TRMU: variants seen among roughly 807,000 people sequenced by gnomAD.
TRMU encodes the protein mitochondrial tRNA-specific 2-thiouridylase 1.
Under a neutral mutation model 46.9 loss-of-function variants are expected in TRMU, and 49 were observed. That is an observed-to-expected ratio of 1.05 (90% CI 0.83 to 1.33). The LOEUF is 1.33. Ranked by LOEUF, TRMU falls within the 40% of genes most tolerant of loss-of-function variation. The probability of loss-of-function intolerance (pLI) is 0.00; values close to 1 mark genes in which losing one functional copy is unlikely to be tolerated. For synonymous variants in TRMU, 241 were observed against 200.9 expected, an observed-to-expected ratio of 1.20 and a Z score of -1.69; for missense variants, 572 against 532.4, an observed-to-expected ratio of 1.07 and a Z score of -0.73.
In TRMU at chr22:46,336,141, G is replaced by A; in HGVS notation, c.82+295G>A. ...CGGCGGGCCGGGGTGGGGTGGGGAG[G>A]GAAGGGTTTCTCACGGATCTGCGGC... On this transcript the variant is annotated intron_variant, in intron 1 of 10. Transcript: ENST00000645190. The surrounding 1 kb of genome is among the most constrained non-coding windows in gnomAD (Gnocchi z 4.1). The A allele has an allele frequency of 7.6e-7, 1 of 1,320,158 alleles. No individual in the cohort carries two copies. Among genetic ancestry groups the A allele is most frequent in the Non-Finnish European group, 9.7e-7 (1 of 1,033,022 alleles). 81.8% of individuals were successfully genotyped at this position (1,320,158 alleles called of 1,614,324 possible).
Position 46,356,935 on chromosome 22 carries a change from A to G in TRMU, c.1195A>G (p.Arg399Gly), listed in dbSNP as rs759134446. 1 of 1,613,438 alleles carries G rather than the reference A, an allele frequency of 6.2e-7. No individual in the cohort carries two copies. Among genetic ancestry groups the G allele is most frequent in the Non-Finnish European group, 8.5e-7 (1 of 1,180,002 alleles). Reference sequence around the variant, plus strand: ...CTACACGCTCCAGAAGGGCCAGCGCAGAGCTGGGATGGCCACTGAGAGCCC... The same window carrying G: ...CTACACGCTCCAGAAGGGCCAGCGCGGAGCTGGGATGGCCACTGAGAGCCC... ...SAYTLQKGQR[R>G]AGMATESPSD... Residue 399 changes from arginine (R) to glycine (G), a missense_variant, in exon 11 of 11, where the codon AGA becomes GGA. Transcript: ENST00000645190.
rs202229063 is a variant in TRMU, at chr22:46,355,571, G to A, written c.1001G>A (p.Arg334His). 17 of 1,613,340 alleles carry A rather than the reference G, an allele frequency of 1.1e-5. No homozygotes were observed. Among genetic ancestry groups the A allele is most frequent in the East Asian group, 4.5e-5 (2 of 44,878 alleles). Residue 334 changes from arginine to histidine, a missense_variant, in exon 9 of 11, where the codon CGC (arginine) becomes CAC (histidine). Transcript: ENST00000645190. ...ATGATGGAGTGCCACTTCCGATTCC[G>A]CCACCAGATGGCACTAGGTGACTGA... ...DKMMECHFRF[R>H]HQMALVPCVL...
chr22:46,355,550 T>C lies in TRMU; in HGVS notation c.980T>C (p.Met327Thr). The C allele has an allele frequency of 1.2e-6, 2 of 1,613,318 alleles. No homozygotes were observed. Among genetic ancestry groups the C allele is most frequent in the Non-Finnish European group, 1.7e-6 (2 of 1,180,032 alleles). The stretch of plus-strand genomic sequence containing the variant: ...GCAGCACTGGTCCGGGACAAGATGA[T>C]GGAGTGCCACTTCCGATTCCGCCAC... ...PPAALVRDKM[M>T]ECHFRFRHQM... The change falls in exon 9 of 11, where the codon ATG becomes ACG. Residue 327 changes from methionine to threonine, a missense_variant. Met to Thr is a moderately conservative substitution (Grantham distance 81). Transcript: ENST00000645190.
Position 46,350,468 on chromosome 22 carries a change from G to C in TRMU, c.651+5G>C. ...CATGTGCTTCAGAAGAAAGAGGTAC[G>C]AGTGAGCAGTTGCCTTTGATTAGTG... On this transcript the variant is annotated splice_donor_5th_base_variant and intron_variant, in intron 5 of 10. Transcript: ENST00000645190. The surrounding 1 kb of genome is among the most constrained non-coding windows in gnomAD (Gnocchi z 4.6). The C allele has an allele frequency of 6.2e-7, 1 of 1,613,214 alleles. No homozygotes were observed. Among genetic ancestry groups the C allele is most frequent in the Non-Finnish European group, 8.5e-7 (1 of 1,179,964 alleles).
In TRMU at chr22:46,335,923, T is replaced by G; in HGVS notation, c.82+77T>G. On this transcript the variant is annotated intron_variant, in intron 1 of 10. Coordinates refer to ENST00000645190, the MANE Select transcript of TRMU (RefSeq NM_018006.5). ...CCTGTCCCCGTCCGTCGTGGCGTTG[T>G]GCACGTCTCCTCCCTCCCTGGGCCG... 2.0e-6 allele frequency: 3 copies of G among 1,516,526 alleles called. No homozygotes were observed. The South Asian group carries it at 3.6e-5, about 18-fold the overall frequency. The allele number at this position is 1,516,526 out of a possible 1,614,324, so 93.9% of individuals were successfully genotyped here.
intron 7 of TRMU, chr22:46,352,605 C>A: frequency 1.8e-6 from 1 of 546,124 alleles, no homozygotes; most frequent in Non-Finnish European, 3.3e-6. Context: ...AGTTACGTAT[C>A]AAGTCCCTGT....
At chr22:46,345,663 C>T (rs1190572296) in intron 3 of TRMU, among the ~76,000 whole-genome samples, 2 of 152,114 alleles carry the variant, frequency 1.3e-5, no homozygotes, top group East Asian at 1.9e-4. Flanking sequence ...CAGTGCCGGG[C>T]ATTTTCCCGT....
chr22:46,337,547 A>G (rs1406866098), intron 1 of TRMU, among the ~76,000 whole-genome samples: 2 of 152,200 alleles, frequency 1.3e-5, no homozygotes, highest in South Asian at 2.1e-4. Context: ...GTGCTGATAC[A>G]TAGATGGGGA....
chr22:46,345,516 C>T (rs1361449820), intron 3 of TRMU, among the ~76,000 whole-genome samples: 1 of 152,158 alleles, frequency 6.6e-6, no homozygotes, highest in Non-Finnish European at 1.5e-5. Flanking sequence ...ATATTTATTA[C>T]AGAAAATTTA....
chr22:46,354,054 T>G, intron 8 of TRMU, 187 bp downstream of exon 8: 1 of 592,826 alleles, frequency 1.7e-6, no homozygotes, highest in Non-Finnish European at 3.1e-6. Context: ...TTTTAAGGTA[T>G]TCATTAGGCT....
Position 46,335,815 on chromosome 22 carries a change from C to T in TRMU, c.51C>T (p.Ser17=). ...VVCALSGGVD[S]AVAALLLRRR... ...GCGCCCTGTCCGGCGGCGTGGACAGCGCCGTGGCCGCGCTGCTGCTGAGGC... is the reference window on the plus strand; with the variant it reads ...GCGCCCTGTCCGGCGGCGTGGACAGTGCCGTGGCCGCGCTGCTGCTGAGGC... Residue 17 remains serine, a synonymous_variant, in exon 1 of 11, where the codon AGC becomes AGT. Coordinates refer to ENST00000645190, the MANE Select transcript of TRMU (RefSeq NM_018006.5). 6.4e-7 allele frequency: 1 copy of T among 1,557,322 alleles called. No homozygotes were observed.
At position 46,349,088 on chromosome 22, in the gene TRMU, G is replaced by A. The variant is rs573030037; in HGVS notation, c.479-1203G>A. On this transcript the variant is annotated intron_variant, in intron 4 of 10. Coordinates refer to ENST00000645190, the MANE Select transcript of TRMU (RefSeq NM_018006.5). This position sits in a 1 kb window ranked among gnomAD's most constrained non-coding sequence, Gnocchi z 4.6. ...CAGGAGGCGGAGATTGCCGTGAGCC[G>A]AGATGTGCCACTGCACTCCAGCCTG... Among the ~76,000 whole-genome samples, 6 of 151,584 alleles carry A rather than the reference G, an allele frequency of 4.0e-5. No individual in the cohort carries two copies. The South Asian group carries it at 8.3e-4, about 21-fold the overall frequency.
In TRMU at chr22:46,336,058, A is replaced by G. The variant is rs542040860; in HGVS notation, c.82+212A>G. 7 of 1,399,740 alleles carry G rather than the reference A, an allele frequency of 5.0e-6. No homozygotes were observed. The highest frequency in any genetic ancestry group is 3.1e-5 in the South Asian group (2 of 64,492). The allele number at this position is 1,399,740 out of a possible 1,614,324, so 86.7% of individuals were successfully genotyped here. On this transcript the variant is annotated intron_variant, in intron 1 of 10. Transcript: ENST00000645190. This position sits in a 1 kb window ranked among gnomAD's most constrained non-coding sequence, Gnocchi z 4.1. ...GGTGTGCGCGACTGCAGCTCCGACT[A>G]CCTGGGAGCAGTTCCGCGCCCCTCT...
intron 9 of TRMU, 142 bp downstream of exon 9, chr22:46,355,730 T>G (rs1203806557): frequency 5.7e-6 from 8 of 1,405,782 alleles, no homozygotes; most frequent in Non-Finnish European, 7.9e-6. Flanking sequence ...TATTTAGAAC[T>G]CCCGTGTCCT....
chr22:46,351,225 C>T lies in TRMU; in HGVS notation c.651+762C>T, dbSNP rs76479354. 0.03 allele frequency among the ~76,000 whole-genome samples: 4,575 copies of T among 152,256 alleles called. 240 individuals are homozygous for T. Among genetic ancestry groups the T allele is most frequent in the African/African-American group, 0.1 (4,246 of 41,534 alleles). ...TTGAGGCGAGGAGAAGCCAGGGAGC[C>T]GCTGTGGGGGTGCCTGCCTGTGGCC... On this transcript the variant is annotated intron_variant, in intron 5 of 10. Coordinates refer to ENST00000645190, the MANE Select transcript of TRMU (RefSeq NM_018006.5). This position sits in a 1 kb window ranked among gnomAD's most constrained non-coding sequence, Gnocchi z 6.4.
Position 46,335,823 on chromosome 22 carries a change from C to G in TRMU, c.59C>G (p.Ala20Gly), listed in dbSNP as rs1329491402. ...ALSGGVDSAV[A>G]ALLLRRRGYQ... ...TCCGGCGGCGTGGACAGCGCCGTGG[C>G]CGCGCTGCTGCTGAGGCGGAGAGGT... Residue 20 changes from alanine to glycine, a missense_variant, in exon 1 of 11, where the codon GCC (alanine) becomes GGC (glycine). Physicochemically the swap from Ala to Gly is moderately conservative, Grantham distance 60 (BLOSUM62 0). Coordinates refer to ENST00000645190, the MANE Select transcript of TRMU (RefSeq NM_018006.5). 2 of 1,555,562 alleles carry G rather than the reference C, an allele frequency of 1.3e-6. No homozygotes were observed. Among genetic ancestry groups the G allele is most frequent in the African/African-American group, 1.4e-5 (1 of 73,532 alleles).
rs2078279040 is a variant in TRMU at position 46,347,109 on chromosome 22, G to C, written c.478+565G>C. On this transcript the variant is annotated intron_variant, in intron 4 of 10. Transcript: ENST00000645190. This position sits in a 1 kb window ranked among gnomAD's most constrained non-coding sequence, Gnocchi z 5.0. ...AGCTGGGAAGCTGCTGGCCTGTCCT[G>C]GTGTACATTCGTGTGTAGAAAAGAG... Among the ~76,000 whole-genome samples the C allele has an allele frequency of 6.6e-6, 1 of 152,214 alleles. No homozygotes were observed. Among genetic ancestry groups the C allele is most frequent in the African/African-American group, 2.4e-5 (1 of 41,448 alleles).
intron 5 of TRMU, 69 bp from the exon 6 acceptor site, chr22:46,352,052 G>A: frequency 1.9e-6 from 3 of 1,573,714 alleles, no homozygotes; most frequent in Admixed American, 1.7e-5. Context: ...GGCCCGCTCA[G>A]GACGTCTGGG....
intron 2 of TRMU, among the ~76,000 whole-genome samples, chr22:46,341,221 G>T (rs1023907167): frequency 1.1e-4 from 17 of 152,200 alleles, no homozygotes; most frequent in African/African-American, 4.1e-4. Flanking sequence ...GGTTAACAGT[G>T]TGTCTTTTCA....
Sources: gnomAD v4.1 joint callset for allele counts (sites outside exome capture counted in the v4.1 genomes callset) on GRCh38, gnomAD v4.1.1 for gene constraint, Gnocchi (gnomAD v3.1) non-coding constraint, MANE v1.5 for transcripts, NCBI Gene and HGNC (gene_info 2026-07-23, HGNC 2026-07-21) for gene names.